Variants in CTNNA2 observed in about 807,000 individuals in gnomAD.
CTNNA2 encodes catenin alpha 2.
A neutral mutation model predicts 101.0 loss-of-function variants in CTNNA2; 42 were observed. The observed-to-expected ratio is 0.42, with a 90% confidence interval of 0.32 to 0.54. The LOEUF (loss-of-function observed/expected upper bound fraction) is 0.54, where lower values mean the gene tolerates loss of function less well. Among genes scored for constraint, CTNNA2 ranks in the 20% least tolerant of loss-of-function variants. The pLI is 0.14. For missense variants in CTNNA2, 871 were observed against 1,223.1 expected (o/e 0.71, Z 4.29); for synonymous variants, 450 against 456.4 (o/e 0.99, Z 0.18).
chr2:79,916,832 C>T (rs886847919), intron 7 of CTNNA2, among the ~76,000 whole-genome samples: 4 of 151,808 alleles, frequency 2.6e-5, no homozygotes, highest in African/African-American at 9.7e-5. Context: ...CCCGTGTTAG[C>T]GAGGATGGTC....
At chr2:79,982,163 A>C (rs1358992355) in intron 7 of CTNNA2, among the ~76,000 whole-genome samples, 1 of 131,910 alleles carries the variant, frequency 7.6e-6, no homozygotes, top group African/African-American at 2.8e-5. Context: ...CTCAGCCTCC[A>C]GAGTACCTGA....
At chr2:79,674,460 T>C (rs1046176335) in intron 2 of CTNNA2, among the ~76,000 whole-genome samples, 1 of 152,190 alleles carries the variant, frequency 6.6e-6, no homozygotes, top group African/African-American at 2.4e-5. Flanking sequence ...TGTAACACTT[T>C]TCAAATAATT....
intron 7 of CTNNA2, among the ~76,000 whole-genome samples, chr2:80,190,285 A>G (rs1192329792): frequency 6.6e-6 from 1 of 152,050 alleles, no homozygotes; most frequent in Non-Finnish European, 1.5e-5. Flanking sequence ...GAGGAAAACC[A>G]TCTTACCTGC....
At chr2:79,321,786 T>C (rs886820306) in intron 3 of CTNNA2, among the ~76,000 whole-genome samples, 1 of 142,790 alleles carries the variant, frequency 7.0e-6, no homozygotes, top group African/African-American at 2.7e-5. Context: ...CTGCCACCAC[T>C]GTGTTTGCAC....
intron 3 of CTNNA2, among the ~76,000 whole-genome samples, chr2:79,814,638 C>CACACATATAT (rs145584853): frequency 8.5e-4 from 125 of 147,056 alleles, no homozygotes; most frequent in South Asian, 3.2e-3. Flanking sequence ...CACACACACA[C>CACACATATAT]ATATATATAT....
chr2:80,195,473 T>C (rs1410642852), intron 7 of CTNNA2, among the ~76,000 whole-genome samples: 1 of 152,166 alleles, frequency 6.6e-6, no homozygotes, highest in Non-Finnish European at 1.5e-5. Context: ...ACTGTTTATT[T>C]TGACAAATCG....
chr2:80,099,014 TGCACCCACTGTCCG>T (rs1254792008), intron 7 of CTNNA2, among the ~76,000 whole-genome samples: 2 of 151,928 alleles, frequency 1.3e-5, no homozygotes, highest in African/African-American at 2.4e-5. Flanking sequence ...CCCACTGTCC[TGCACCCACTGTCCG>T]GCACTCCCCA....
rs756907531 is a variant in CTNNA2, at chr2:80,302,693, G to A, written c.1057-90518G>A. 7 of 1,612,548 alleles carry A rather than the reference G, an allele frequency of 4.3e-6. No homozygotes were observed. Among genetic ancestry groups the A allele is most frequent in the Non-Finnish European group, 5.9e-6 (7 of 1,179,758 alleles). ...CAGATCACTGCGGTTGGTGACGGCC[G>A]AGAGCAGGTGGCCGCTGGTGGGCTC... On this transcript the variant is annotated intron_variant, in intron 7 of 18. Coordinates refer to ENST00000402739, the MANE Select transcript of CTNNA2 (RefSeq NM_001282597.3). This position sits in a 1 kb window ranked among gnomAD's most constrained non-coding sequence, Gnocchi z 6.4.
intron 18 of CTNNA2, among the ~76,000 whole-genome samples, chr2:80,644,341 C>CT (rs1319829035): frequency 6.6e-6 from 1 of 152,152 alleles, no homozygotes; most frequent in Non-Finnish European, 1.5e-5. Context: ...ATTATGAAAA[C>CT]TTATACGTAT....
chr2:79,239,322 C>G (rs1048029243), intron 2 of CTNNA2, among the ~76,000 whole-genome samples: 14 of 152,252 alleles, frequency 9.2e-5, no homozygotes, highest in African/African-American at 3.1e-4. Context: ...ACATCTACAA[C>G]CATCTGATCT....
At chr2:80,522,286 T>G (rs1488648664) in intron 9 of CTNNA2, among the ~76,000 whole-genome samples, 1 of 152,164 alleles carries the variant, frequency 6.6e-6, no homozygotes, top group East Asian at 1.9e-4. Context: ...TCTTAATGAG[T>G]GCTGCAGTCT....
At chr2:80,067,540 T>A (rs1698067740) in intron 7 of CTNNA2, among the ~76,000 whole-genome samples, 2 of 152,212 alleles carry the variant, frequency 1.3e-5, no homozygotes, top group Admixed American at 6.5e-5. Flanking sequence ...GCCGTAATGT[T>A]GTTTAAGGAA....
At chr2:79,725,560 T>G (rs1686785589) in intron 2 of CTNNA2, among the ~76,000 whole-genome samples, 1 of 152,244 alleles carries the variant, frequency 6.6e-6, no homozygotes, top group African/African-American at 2.4e-5. Flanking sequence ...AAGCTTGGCT[T>G]TGGGTAAGTT....
intron 7 of CTNNA2, among the ~76,000 whole-genome samples, chr2:80,196,425 A>T (rs181304084): frequency 6.6e-6 from 1 of 152,210 alleles, no homozygotes; most frequent in Admixed American, 6.5e-5. Flanking sequence ...TCCATGTCCT[A>T]CCTTATCTGT....
intron 7 of CTNNA2, among the ~76,000 whole-genome samples, chr2:80,300,894 G>T (rs548546936): frequency 6.6e-6 from 1 of 151,226 alleles, no homozygotes; most frequent in Non-Finnish European, 1.5e-5. Flanking sequence ...AAATCTCAAT[G>T]ATGGACCTGG....
At chr2:79,981,346 G>A (rs536181007) in intron 7 of CTNNA2, among the ~76,000 whole-genome samples, 28 of 152,232 alleles carry the variant, frequency 1.8e-4, no homozygotes, top group Non-Finnish European at 3.4e-4. Context: ...CTATTACAGT[G>A]AGTCTTCAAT....
At chr2:80,207,203 C>G (rs747902465) in intron 7 of CTNNA2, among the ~76,000 whole-genome samples, 37 of 152,176 alleles carry the variant, frequency 2.4e-4, no homozygotes, top group Non-Finnish European at 4.6e-4. Flanking sequence ...GTCATTTATT[C>G]TTTTCTTGAA....
intron 7 of CTNNA2, among the ~76,000 whole-genome samples, chr2:80,259,776 T>C (rs938345920): frequency 1.3e-5 from 2 of 152,234 alleles, no homozygotes; most frequent in Admixed American, 6.5e-5. Context: ...GCCTTTGTTT[T>C]CTCATTCTTC....
At chr2:79,227,902 G>A (rs879292309) in intron 2 of CTNNA2, among the ~76,000 whole-genome samples, 13 of 152,178 alleles carry the variant, frequency 8.5e-5, no homozygotes, top group Non-Finnish European at 1.6e-4. Flanking sequence ...TTCAACCCAC[G>A]GCCCTCCCCT....
Sources: allele counts gnomAD v4.1 joint callset (sites outside exome capture counted in the v4.1 genomes callset), GRCh38; gene constraint gnomAD v4.1.1; non-coding constraint Gnocchi (gnomAD v3.1); transcripts MANE v1.5; gene names NCBI Gene and HGNC (gene_info 2026-07-23, HGNC 2026-07-21).